The following PDE4C variants were observed in gnomAD, a reference collection of about 807,000 sequenced individuals.
PDE4C encodes the protein 3',5'-cyclic-AMP phosphodiesterase 4C.
PDE4C carries 50 observed loss-of-function variants against 63.9 expected under a neutral mutation model. That is an observed-to-expected ratio of 0.78 (90% CI 0.62 to 0.99). The LOEUF (loss-of-function observed/expected upper bound fraction) is 0.99. PDE4C is among the 50% of genes least tolerant of loss of function. The pLI, the probability that PDE4C is intolerant of heterozygous loss-of-function variation, is 0.00. For synonymous variants in PDE4C, 377 were observed against 385.1 expected (o/e 0.98, Z 0.25); for missense variants, 777 against 899.1 (o/e 0.86, Z 1.74).
intron 1 of PDE4C, among the ~76,000 whole-genome samples, chr19:18,241,268 T>G (rs1369682772): frequency 3.1e-5 from 3 of 97,612 alleles, no homozygotes; most frequent in Non-Finnish European, 6.2e-5. Flanking sequence ...TTTTTTTTTT[T>G]TTTTTTTTTT....
upstream of PDE4C, among the ~76,000 whole-genome samples, chr19:18,228,704 GAGAA>G (rs140263763): frequency 3.9e-3 from 589 of 152,242 alleles, 5 homozygotes; most frequent in African/African-American, 0.014. Flanking sequence ...TGTTCGGATG[GAGAA>G]AGAGTCACAG....
At chr19:18,213,490 C>T (rs1028440753) in exon 13 of PDE4C, 1 of 1,610,702 alleles carries the variant, frequency 6.2e-7, no homozygotes, top group African/African-American at 1.3e-5. Context: ...GTGGCCAGCA[C>T]CTGGGGGCAG....
chr19:18,213,258 T>G, intron 13 of PDE4C, 110 bp downstream of exon 13: 1 of 1,001,974 alleles, frequency 1.0e-6, no homozygotes, highest in Admixed American at 3.2e-5. Flanking sequence ...CACTCCAGCC[T>G]GGGCGACAGA....
At chr19:18,221,938 T>C (rs564154840) in intron 2 of PDE4C, among the ~76,000 whole-genome samples, 194 bp downstream of exon 2, 1 of 152,282 alleles carries the variant, frequency 6.6e-6, no homozygotes, top group Non-Finnish European at 1.5e-5. Context: ...CCTTAATGTT[T>C]TTGGATTACC....
At chr19:18,239,695 C>T (rs1428439672) in intron 1 of PDE4C, among the ~76,000 whole-genome samples, 2 of 152,110 alleles carry the variant, frequency 1.3e-5, no homozygotes, top group African/African-American at 4.8e-5. Context: ...CTGAGCCTCA[C>T]CAATGAGCCT....
the PDE4C span, among the ~76,000 whole-genome samples, chr19:18,253,443 C>T: frequency 6.6e-6 from 1 of 151,792 alleles, no homozygotes; most frequent in Admixed American, 6.6e-5. Context: ...CCCAGCTACT[C>T]AGGAGGCTGA....
At chr19:18,233,811 C>T (rs1968901761), upstream of PDE4C, 1 of 293,264 alleles carries the variant, frequency 3.4e-6, no homozygotes, top group Admixed American at 4.8e-5. Flanking sequence ...TGAGCAGTGA[C>T]GGGCCCTCAA....
upstream of PDE4C, among the ~76,000 whole-genome samples, chr19:18,229,584 T>C (rs942350649): frequency 1.7e-4 from 15 of 88,042 alleles, no homozygotes; most frequent in Non-Finnish European, 4.0e-4. Context: ...CTCATTTGAA[T>C]GTTCCCTTCT....
chr19:18,219,118 G>C lies in PDE4C; in HGVS notation c.871-80C>G, dbSNP rs931762365. On this transcript the variant is annotated intron_variant, in intron 8 of 14. Transcript: ENST00000262805. ...TAGAGCCTCCATCCTCCCACCCCAG[G>C]TTCCACAGTGAGCCCCAACTGCCCA... is the stretch of plus-strand genomic sequence containing the variant. 32 of 1,575,562 alleles carry C rather than the reference G, an allele frequency of 2.0e-5. No homozygotes were observed. The East Asian group carries it at 6.9e-4, about 34-fold the overall frequency.
chr19:18,222,335 G>A lies in PDE4C; in HGVS notation c.147-12C>T, dbSNP rs758065482. On this transcript the variant is annotated splice_polypyrimidine_tract_variant and intron_variant, in intron 1 of 14. Transcript: ENST00000262805. ...TTTCCAGGTCAAAGCTGAAAGGAGA[G>A]ACGGCATGGTCAGAGACGAGGGTCA... 16 of 1,604,350 alleles carry A rather than the reference G, an allele frequency of 1.0e-5. No individual in the cohort carries two copies. The highest frequency in any genetic ancestry group is 1.7e-5 in the Admixed American group (1 of 59,302).
At chr19:18,238,990 CAA>C (rs113472618) in intron 1 of PDE4C, among the ~76,000 whole-genome samples, 127 of 96,794 alleles carry the variant, frequency 1.3e-3, no homozygotes, top group African/African-American at 3.1e-3. Flanking sequence ...GACCCTGTCT[CAA>C]AAAAAAAAAA....
At chr19:18,251,676 A>ACCCCCCCCCCCCCCCCCCCCCCCCCCCCC (rs1969230557), upstream of PDE4C, among the ~76,000 whole-genome samples, 1 of 23,568 alleles carries the variant, frequency 4.2e-5, no homozygotes, top group African/African-American at 1.1e-4. Context: ...CTCGTGATAC[A>ACCCCCCCCCCCCCCCCCCCCCCCCCCCCC]CGCCCCCCCC....
upstream of PDE4C, among the ~76,000 whole-genome samples, chr19:18,234,481 C>T (rs1290407079): frequency 2.0e-5 from 3 of 152,158 alleles, no homozygotes; most frequent in African/African-American, 7.2e-5. Flanking sequence ...TGGGTAAGAA[C>T]ATTTTCCATC....
At chr19:18,222,380 C>T (rs935111747) in intron 1 of PDE4C, 57 bp from the exon 2 acceptor site, 11 of 1,518,104 alleles carry the variant, frequency 7.2e-6, no homozygotes, top group East Asian at 2.3e-5. Context: ...GGTGCCGGGT[C>T]GTGGCCACCT....
chr19:18,216,853 T>C, exon 12 of PDE4C: 1 of 1,614,140 alleles, frequency 6.2e-7, no homozygotes. Context: ...GTGATGGTTC[T>C]CCAGCACCGA....
At chr19:18,221,053 C>T in intron 4 of PDE4C, 52 bp downstream of exon 4, 1 of 1,259,448 alleles carries the variant, frequency 7.9e-7, no homozygotes, top group Non-Finnish European at 1.1e-6. Context: ...CCGCTTTCCG[C>T]CCACCTTGTC....
At chr19:18,226,512 C>A (rs541569538), upstream of PDE4C, 5 of 988,890 alleles carry the variant, frequency 5.1e-6, no homozygotes, top group East Asian at 1.4e-4. Context: ...GGGCAAAGGG[C>A]GCATCGGCCC....
chr19:18,232,951 G>T (rs1294873659), exon 1 of PDE4C: 2 of 1,444,278 alleles, frequency 1.4e-6, no homozygotes, highest in East Asian at 2.6e-5. Context: ...GCCACCTACC[G>T]CCTGCAGGAG....
chr19:18,252,985 G>A (rs982078171), upstream of PDE4C, among the ~76,000 whole-genome samples: 1 of 152,104 alleles, frequency 6.6e-6, no homozygotes, highest in Non-Finnish European at 1.5e-5. Flanking sequence ...CACCATGTGA[G>A]CTCTCAGTGG....
Sources: gnomAD v4.1 joint callset for allele counts (sites outside exome capture counted in the v4.1 genomes callset) on GRCh38, gnomAD v4.1.1 for gene constraint, MANE v1.5 for transcripts, NCBI Gene and HGNC (gene_info 2026-07-23, HGNC 2026-07-21) for gene names.